Variants in PARN observed in about 807,000 individuals in gnomAD.
PARN encodes poly(A)-specific ribonuclease PARN.
Under a neutral mutation model 102.8 loss-of-function variants are expected in PARN, and 71 were observed. The observed-to-expected ratio is 0.69, with a 90% CI of 0.57 to 0.84. PARN has a LOEUF of 0.84. Among genes scored for constraint, PARN ranks in the 40% least tolerant of loss-of-function variants. PARN has a pLI of 0.00. For missense variants in PARN, 782 were observed against 760.9 expected, an observed-to-expected ratio of 1.03 and a Z score of -0.33; for synonymous variants, 261 against 252.9, an observed-to-expected ratio of 1.03 and a Z score of -0.30.
At chr16:14,505,486 C>CACACACACACACACACAT (rs1168513983) in intron 21 of PARN, among the ~76,000 whole-genome samples, 2 of 152,028 alleles carry the variant, frequency 1.3e-5, no homozygotes, top group Non-Finnish European at 2.9e-5. Context: ...TTAAAACACA[C>CACACACACACACACACAT]ACACACACAC....
chr16:14,516,657 G>C (rs1965473764), intron 21 of PARN, among the ~76,000 whole-genome samples: 1 of 152,132 alleles, frequency 6.6e-6, no homozygotes, highest in African/African-American at 2.4e-5. Context: ...CAAGTACAAA[G>C]GCTTCTGACA....
chr16:14,580,993 A>G (rs763626458), intron 17 of PARN, 50 bp from the exon 18 acceptor site: 3 of 1,134,328 alleles, frequency 2.6e-6, no homozygotes, highest in East Asian at 4.7e-5. Context: ...ACATAGACCA[A>G]GCCTGAAAGT....
At chr16:14,597,909 TGAA>T (rs1336744863) in intron 12 of PARN, among the ~76,000 whole-genome samples, 2 of 152,162 alleles carry the variant, frequency 1.3e-5, no homozygotes, top group African/African-American at 2.4e-5. Context: ...CTTGGGAGGC[TGAA>T]GAAGGCAGAT....
chr16:14,595,759 G>A (rs1970468242), intron 12 of PARN, among the ~76,000 whole-genome samples: 1 of 152,062 alleles, frequency 6.6e-6, no homozygotes, highest in Middle Eastern at 3.2e-3. Flanking sequence ...TCAAACTCCT[G>A]ACCTCACGTG....
intron 12 of PARN, among the ~76,000 whole-genome samples, chr16:14,596,788 C>CTTT (rs200386556): frequency 7.4e-6 from 1 of 135,726 alleles, no homozygotes; most frequent in Non-Finnish European, 1.6e-5. Flanking sequence ...TTTTTCTTTC[C>CTTT]TTTTTTTTTT....
chr16:14,514,515 C>T (rs976092865), intron 21 of PARN, among the ~76,000 whole-genome samples: 1 of 152,108 alleles, frequency 6.6e-6, no homozygotes, highest in Non-Finnish European at 1.5e-5. Flanking sequence ...GTTGAAGGCA[C>T]AACATCATTA....
chr16:14,583,889 T>C (rs1369237162), intron 16 of PARN, among the ~76,000 whole-genome samples: 1 of 152,178 alleles, frequency 6.6e-6, no homozygotes, highest in African/African-American at 2.4e-5. Context: ...GTTTCTACTC[T>C]CTAAACCAGC....
chr16:14,475,192 AAATCTC>A (rs1423071986), intron 22 of PARN, among the ~76,000 whole-genome samples: 1 of 152,264 alleles, frequency 6.6e-6, no homozygotes, highest in African/African-American at 2.4e-5. Flanking sequence ...TGACTGATTA[AAATCTC>A]TATCAGCACA....
At chr16:14,510,249 T>C (rs531700960) in intron 21 of PARN, among the ~76,000 whole-genome samples, 26 of 152,248 alleles carry the variant, frequency 1.7e-4, no homozygotes, top group African/African-American at 6.3e-4. Flanking sequence ...GGGTGATTAG[T>C]TTTGCCAAAA....
intron 6 of PARN, 121 bp downstream of exon 6, chr16:14,617,468 TG>T (rs1971998549): frequency 3.0e-6 from 2 of 657,514 alleles, no homozygotes; most frequent in East Asian, 2.7e-5. Flanking sequence ...ACATGTATGC[TG>T]GAACTCTAAG....
chr16:14,628,487 A>G (rs1972815487), intron 2 of PARN, among the ~76,000 whole-genome samples: 2 of 152,234 alleles, frequency 1.3e-5, no homozygotes, highest in Admixed American at 1.3e-4. Context: ...CCAGCGTCTA[A>G]AACATGACTT....
intron 22 of PARN, among the ~76,000 whole-genome samples, chr16:14,478,859 GCAAC>G (rs1963219862): frequency 6.6e-6 from 1 of 152,134 alleles, no homozygotes; most frequent in Non-Finnish European, 1.5e-5. Flanking sequence ...TCGGCTCACT[GCAAC>G]CTCCGCCTCC....
At chr16:14,513,706 G>T (rs934591465) in intron 21 of PARN, among the ~76,000 whole-genome samples, 1 of 152,122 alleles carries the variant, frequency 6.6e-6, no homozygotes, top group Non-Finnish European at 1.5e-5. Context: ...TAGAAAAGGC[G>T]CTTCATCATC....
chr16:14,620,069 C>CA (rs1167781322), intron 5 of PARN, among the ~76,000 whole-genome samples: 10,181 of 47,220 alleles, frequency 0.22, 1,243 homozygotes, highest in Non-Finnish European at 0.29. Context: ...GACTCTGTCT[C>CA]AAAAAAAAAA....
Position 14,446,895 on chromosome 16 carries a change from A to T in PARN, c.1857T>A (p.Ser619=). ...KKLKRMKKEL[S]PAGSISKNSP... ...GCAAGATCCAATACAAACCTGCTGG[A>T]GAAAGCTCCTTCTTCATTCTTTTTA... Residue 619 remains serine, a synonymous_variant, in exon 23 of 24, where the codon TCT becomes TCA. Coordinates refer to ENST00000437198, the MANE Select transcript of PARN (RefSeq NM_002582.4). 1 of 1,612,134 alleles carries T rather than the reference A, an allele frequency of 6.2e-7. No individual in the cohort carries two copies. Among genetic ancestry groups the T allele is most frequent in the Non-Finnish European group, 8.5e-7 (1 of 1,178,846 alleles).
intron 21 of PARN, among the ~76,000 whole-genome samples, chr16:14,499,368 A>G (rs1389372611): frequency 6.6e-6 from 1 of 152,224 alleles, no homozygotes; most frequent in Non-Finnish European, 1.5e-5. Flanking sequence ...GGAGACAGTG[A>G]GCCTGCAGGG....
At chr16:14,552,584 T>C (rs547303480) in intron 20 of PARN, among the ~76,000 whole-genome samples, 3 of 152,166 alleles carry the variant, frequency 2.0e-5, no homozygotes, top group South Asian at 4.1e-4. Context: ...CAAGCAATCC[T>C]CCCACCTCAG....
chr16:14,507,182 T>C (rs1964942351), intron 21 of PARN, among the ~76,000 whole-genome samples: 1 of 151,850 alleles, frequency 6.6e-6, no homozygotes, highest in Admixed American at 6.6e-5. Flanking sequence ...CAAAATTAGC[T>C]GGGCGTGGTG....
At chr16:14,605,536 T>C (rs866233667) in intron 10 of PARN, among the ~76,000 whole-genome samples, 2 of 152,370 alleles carry the variant, frequency 1.3e-5, no homozygotes, top group Middle Eastern at 3.4e-3. Flanking sequence ...ATATATATGT[T>C]GTATTACCAT....
Sources: gnomAD v4.1 joint callset for allele counts (sites outside exome capture counted in the v4.1 genomes callset) on GRCh38, gnomAD v4.1.1 for gene constraint, MANE v1.5 for transcripts, NCBI Gene and HGNC (gene_info 2026-07-23, HGNC 2026-07-21) for gene names.